Variants in COMMD1 observed in about 807,000 individuals in gnomAD.
The protein encoded by COMMD1 is copper metabolism domain containing 1, also known as COMM domain-containing protein 1.
Under a neutral mutation model 17.2 loss-of-function variants are expected in COMMD1, and 10 were observed. The observed-to-expected ratio is 0.58, with a 90% confidence interval of 0.36 to 0.99. The LOEUF is 0.99. Among genes scored for constraint, COMMD1 ranks in the 50% least tolerant of loss-of-function variants. The pLI, the probability that COMMD1 is intolerant of heterozygous loss-of-function variation, is 0.01. For missense variants in COMMD1, 270 were observed against 231.8 expected (o/e 1.17, Z -1.07); for synonymous variants, 97 against 91.6 (o/e 1.06, Z -0.34).
At chr2:62,045,920 A>G (rs1433096761) in intron 2 of COMMD1, among the ~76,000 whole-genome samples, 3 of 150,848 alleles carry the variant, frequency 2.0e-5, no homozygotes, top group Non-Finnish European at 4.4e-5. Context: ...TATTTTCAGT[A>G]GAGACGGGGT....
chr2:62,077,191 A>G (rs1671370464), intron 2 of COMMD1, among the ~76,000 whole-genome samples: 1 of 152,244 alleles, frequency 6.6e-6, no homozygotes, highest in South Asian at 2.1e-4. Context: ...GAAAGTGTTC[A>G]GTTACTTACT....
At chr2:61,923,311 A>G (rs1221293415) in intron 1 of COMMD1, among the ~76,000 whole-genome samples, 12 of 152,172 alleles carry the variant, frequency 7.9e-5, no homozygotes, top group Admixed American at 7.2e-4. Context: ...GGTGATAAAT[A>G]GTGCTTAATT....
chr2:61,962,282 A>C (rs558082325), intron 1 of COMMD1, among the ~76,000 whole-genome samples: 1 of 152,322 alleles, frequency 6.6e-6, no homozygotes, highest in South Asian at 2.1e-4. Flanking sequence ...TGTATAATAA[A>C]GAATGTGGTT....
chr2:62,055,344 A>C (rs1386547472), intron 2 of COMMD1: 1 of 436,918 alleles, frequency 2.3e-6, no homozygotes, highest in African/African-American at 2.1e-5. Flanking sequence ...AAAGGGGGAA[A>C]GACCCAATGA....
At chr2:62,135,588 T>G (rs1673171806) in intron 2 of COMMD1, among the ~76,000 whole-genome samples, 1 of 152,102 alleles carries the variant, frequency 6.6e-6, no homozygotes, top group Non-Finnish European at 1.5e-5. Context: ...CCTGACCTTG[T>G]GATCTGCCCG....
chr2:62,023,659 A>AT lies in COMMD1; in HGVS notation c.462+22682dup, dbSNP rs1240106913. On this transcript the variant is annotated intron_variant, in intron 2 of 2. Transcript: ENST00000311832. ...CCACCACGCTTGGCTAATTTTTTGT[A>AT]TTTTTAGTAGAGACGGGGTTTCACC... is the stretch of plus-strand genomic sequence containing the variant. Among the ~76,000 whole-genome samples the AT allele has an allele frequency of 2.6e-5, 4 of 151,992 alleles. No individual in the cohort carries two copies. In the East Asian group the frequency reaches 7.7e-4, roughly 29 times the overall value.
intron 2 of COMMD1, among the ~76,000 whole-genome samples, chr2:62,094,532 C>T (rs1304814955): frequency 1.3e-5 from 2 of 151,952 alleles, no homozygotes; most frequent in East Asian, 3.8e-4. Context: ...CATGAGGGGA[C>T]ATTTACATTT....
chr2:61,958,308 C>T (rs900453338), intron 1 of COMMD1, among the ~76,000 whole-genome samples: 1 of 151,256 alleles, frequency 6.6e-6, no homozygotes, highest in East Asian at 1.9e-4. Flanking sequence ...CTCTTGTTGC[C>T]CAGGCTGGAG....
intron 1 of COMMD1, among the ~76,000 whole-genome samples, chr2:61,998,352 T>C (rs1050925646): frequency 1.3e-5 from 2 of 151,556 alleles, no homozygotes; most frequent in African/African-American, 4.8e-5. Context: ...CTCTGCCTCC[T>C]GGATTCATGC....
At chr2:62,108,706 C>T (rs919381219) in intron 2 of COMMD1, among the ~76,000 whole-genome samples, 1 of 152,072 alleles carries the variant, frequency 6.6e-6, no homozygotes, top group Non-Finnish European at 1.5e-5. Flanking sequence ...AAGCATTTCT[C>T]CTGTTTATCA....
chr2:61,908,383 C>T (rs1016650585), intron 1 of COMMD1, among the ~76,000 whole-genome samples: 2 of 151,848 alleles, frequency 1.3e-5, no homozygotes, highest in Non-Finnish European at 2.9e-5. Flanking sequence ...TGCACTGCAG[C>T]GCCCAGCTAA....
chr2:61,964,788 G>T (rs965908051), intron 1 of COMMD1, among the ~76,000 whole-genome samples: 4 of 152,140 alleles, frequency 2.6e-5, no homozygotes, highest in African/African-American at 9.7e-5. Flanking sequence ...CAGGAGAATC[G>T]CTTGAACCTG....
intron 2 of COMMD1, among the ~76,000 whole-genome samples, chr2:62,118,561 G>T (rs921839815): frequency 3.4e-4 from 52 of 152,226 alleles, no homozygotes; most frequent in African/African-American, 1.1e-3. Context: ...AGGATGGTGT[G>T]CCAGATCCTG....
intron 1 of COMMD1, among the ~76,000 whole-genome samples, chr2:61,924,341 G>A (rs1376203256): frequency 1.1e-4 from 16 of 150,856 alleles, no homozygotes; most frequent in South Asian, 2.1e-4. Context: ...GCTTGAGAAC[G>A]AGTAAGGGGT....
intron 1 of COMMD1, among the ~76,000 whole-genome samples, chr2:61,916,063 C>G (rs185453234): frequency 6.6e-6 from 1 of 151,664 alleles, no homozygotes; most frequent in Non-Finnish European, 1.5e-5. Flanking sequence ...CTTGACCTGT[C>G]GGGCTCAAGT....
chr2:61,963,925 T>C (rs191674387), intron 1 of COMMD1, among the ~76,000 whole-genome samples: 11 of 152,298 alleles, frequency 7.2e-5, no homozygotes, highest in Non-Finnish European at 1.5e-4. Context: ...TCTGCTTCAC[T>C]CTCCAGAATG....
rs1186040563 is a variant in COMMD1, at chr2:61,975,279, G to T, written c.181-25422G>T. ...TGTTCACCTACTGAAGGACATTTTG[G>T]TTGCTTCTAACTTTTGGCAATTATG... On this transcript the variant is annotated intron_variant, in intron 1 of 2. Coordinates refer to ENST00000311832, the MANE Select transcript of COMMD1 (RefSeq NM_152516.4). Among the ~76,000 whole-genome samples, 9 of 151,668 alleles carry T rather than the reference G, an allele frequency of 5.9e-5. No homozygotes were observed. In the East Asian group the frequency reaches 1.5e-3, roughly 26 times the overall value.
At chr2:62,073,695 C>A (rs765819063) in intron 2 of COMMD1, among the ~76,000 whole-genome samples, 5 of 152,078 alleles carry the variant, frequency 3.3e-5, no homozygotes, top group Non-Finnish European at 7.4e-5. Context: ...CCAGAATAAA[C>A]CTATTTATTT....
At chr2:62,099,023 T>C (rs1290135306) in intron 2 of COMMD1, among the ~76,000 whole-genome samples, 2 of 152,228 alleles carry the variant, frequency 1.3e-5, no homozygotes, top group Admixed American at 1.3e-4. Context: ...GGATCCCCTC[T>C]GCCTGTAGGT....
Sources: allele counts gnomAD v4.1 joint callset (sites outside exome capture counted in the v4.1 genomes callset), GRCh38; gene constraint gnomAD v4.1.1; transcripts MANE v1.5; gene names NCBI Gene and HGNC (gene_info 2026-07-23, HGNC 2026-07-21).